The following AZIN2 variants were observed in gnomAD, a reference collection of about 807,000 sequenced individuals.
The protein encoded by AZIN2 is ODC antizyme inhibitor-2.
In AZIN2, 28 loss-of-function variants were observed where a neutral mutation model predicts 47.8. The ratio of observed to expected loss-of-function variants is 0.59; its 90% CI spans 0.43 to 0.80. AZIN2 has a LOEUF of 0.80. AZIN2 is among the 30% of genes least tolerant of loss of function. AZIN2 has a pLI of 0.00. For missense variants in AZIN2, 535 were observed against 582.5 expected (o/e 0.92, Z 0.84); for synonymous variants, 221 against 239.4 (o/e 0.92, Z 0.71).
chr1:33,092,154 G>C lies in AZIN2; in HGVS notation c.384G>C (p.Gly128=), dbSNP rs1476756350. The change falls in exon 6 of 12, where the codon GGG becomes GGC. Residue 128 remains glycine (G), a synonymous_variant. Transcript: ENST00000294517. ...AGATCAAATATGCTGCCAAGCATGGGATCCAGCTGCTGAGCTTTGACAATG... is the reference window on the plus strand; with the variant it reads ...AGATCAAATATGCTGCCAAGCATGGCATCCAGCTGCTGAGCTTTGACAATG... ...IAQIKYAAKH[G]IQLLSFDNEM... The C allele has an allele frequency of 2.5e-6, 4 of 1,614,112 alleles. No homozygotes were observed.
chr1:33,147,480 C>G, the AZIN2 span: 1 of 1,612,978 alleles, frequency 6.2e-7, no homozygotes, highest in Non-Finnish European at 8.5e-7. This position sits in a 1 kb window ranked among gnomAD's most constrained non-coding sequence, Gnocchi z 8.1. Context: ...GGATGCTGCC[C>G]TTGCGGCTTG....
chr1:33,125,581 A>G (rs1379925140), downstream of AZIN2, among the ~76,000 whole-genome samples: 1 of 152,094 alleles, frequency 6.6e-6, no homozygotes, highest in Non-Finnish European at 1.5e-5. Flanking sequence ...TTTTCCAAAC[A>G]TCCTGTTCAA....
chr1:33,165,422 C>T, the AZIN2 span: 1 of 1,512,814 alleles, frequency 6.6e-7, no homozygotes, highest in South Asian at 1.2e-5. This position sits in a 1 kb window ranked among gnomAD's most constrained non-coding sequence, Gnocchi z 4.0. Flanking sequence ...CCCTCGAAGC[C>T]CTGCCCTCAT....
the AZIN2 span, among the ~76,000 whole-genome samples, chr1:33,139,926 C>G: frequency 6.6e-6 from 1 of 152,192 alleles, no homozygotes; most frequent in East Asian, 1.9e-4. Flanking sequence ...TCTAAGATCC[C>G]ACCATCAGCT....
At chr1:33,155,930 C>G in the AZIN2 span, among the ~76,000 whole-genome samples, 2 of 152,326 alleles carry the variant, frequency 1.3e-5, no homozygotes, top group East Asian at 1.9e-4. Context: ...ATCCCTTGCT[C>G]CCATCTCCGC....
At chr1:33,153,925 G>T in the AZIN2 span, among the ~76,000 whole-genome samples, 1 of 152,234 alleles carries the variant, frequency 6.6e-6, no homozygotes, top group Non-Finnish European at 1.5e-5. Context: ...AGTCTAGTGA[G>T]TGAGACAGCC....
rs533414706 is a variant in AZIN2, at chr1:33,088,911, C to A, written c.280-3139C>A. 5.8e-4 allele frequency among the ~76,000 whole-genome samples: 88 copies of A among 152,302 alleles called. No homozygotes were observed. In the South Asian group the frequency reaches 0.016, roughly 28 times the overall value. Reference sequence around the variant, plus strand: ...TGTAATTCCATCATTATTCAGCGCTCATTTGGGACTGCCCTGCCTATCTTT... The same window carrying A: ...TGTAATTCCATCATTATTCAGCGCTAATTTGGGACTGCCCTGCCTATCTTT... On this transcript the variant is annotated intron_variant, in intron 5 of 11. Transcript: ENST00000294517.
chr1:33,115,804 C>T (rs1488848264), intron 10 of AZIN2, among the ~76,000 whole-genome samples: 5 of 152,288 alleles, frequency 3.3e-5, no homozygotes, highest in African/African-American at 1.2e-4. Context: ...AAAATTTACA[C>T]CACTAATAAC....
Position 33,113,979 on chromosome 1 carries a change from T to C in AZIN2, c.1030-3923T>C, listed in dbSNP as rs1426374112. On this transcript the variant is annotated intron_variant, in intron 10 of 11. Coordinates refer to ENST00000294517, the MANE Select transcript of AZIN2 (RefSeq NM_052998.4). This position sits in a 1 kb window ranked among gnomAD's most constrained non-coding sequence, Gnocchi z 4.1. The stretch of plus-strand genomic sequence containing the variant: ...TCTGCACCTTTCATTTTAGAGATAA[T>C]ATGACTGTGAATTTGGTTAGCTAAG... 6.6e-6 allele frequency among the ~76,000 whole-genome samples: 1 copy of C among 152,208 alleles called. No individual in the cohort carries two copies. The highest frequency in any genetic ancestry group is 1.9e-4 in the East Asian group (1 of 5,202).
the AZIN2 span, among the ~76,000 whole-genome samples, chr1:33,139,545 GA>G: frequency 6.6e-6 from 1 of 152,164 alleles, no homozygotes; most frequent in Non-Finnish European, 1.5e-5. Flanking sequence ...CAACAGTAAG[GA>G]AAAGGAGGGC....
chr1:33,135,371 C>T, the AZIN2 span, among the ~76,000 whole-genome samples: 1 of 152,204 alleles, frequency 6.6e-6, no homozygotes, highest in Non-Finnish European at 1.5e-5. Context: ...ATGTGCTTCC[C>T]CACAAGCAAG....
chr1:33,085,662 C>T (rs780141818), intron 5 of AZIN2, among the ~76,000 whole-genome samples: 15 of 151,832 alleles, frequency 9.9e-5, no homozygotes, highest in Admixed American at 2.6e-4. Context: ...TGCACTTGGC[C>T]GGGATGGTCA....
In AZIN2 at chr1:33,122,500, A is replaced by G. The variant is rs1282262422; in HGVS notation, c.*2318A>G. Among the ~76,000 whole-genome samples the G allele has an allele frequency of 6.6e-6, 1 of 152,188 alleles. No individual in the cohort carries two copies. The highest frequency in any genetic ancestry group is 1.5e-5 in the Non-Finnish European group (1 of 68,024). ...TTATTTGTTTTTGTTTCTTATTTCA[A>G]TCTTTTTCTAAAGAGAAGAAAAAAG... On this transcript the variant is annotated 3_prime_UTR_variant, in exon 12 of 12. Coordinates refer to ENST00000294517, the MANE Select transcript of AZIN2 (RefSeq NM_052998.4).
At chr1:33,125,007 A>G (rs1421223013), downstream of AZIN2, among the ~76,000 whole-genome samples, 1 of 152,222 alleles carries the variant, frequency 6.6e-6, no homozygotes, top group Admixed American at 6.5e-5. Flanking sequence ...TTATAGCAGC[A>G]TGATTTATAA....
the AZIN2 span, chr1:33,146,852 AGGGAGAC>A: frequency 2.6e-6 from 1 of 382,036 alleles, no homozygotes; most frequent in Admixed American, 4.1e-5. Flanking sequence ...GCTGGGCTGG[AGGGAGAC>A]ACTGGAAGGT....
chr1:33,094,638 G>A lies in AZIN2; in HGVS notation c.678G>A (p.Leu226=), dbSNP rs762998695. The change falls in exon 8 of 12, where the codon CTG becomes CTA. Residue 226 remains leucine, a synonymous_variant. Coordinates refer to ENST00000294517, the MANE Select transcript of AZIN2 (RefSeq NM_052998.4). The part of the protein sequence containing the change: ...ARLVFEMGTE[L]GHKMHVLDLG... ...TCGTGTTTGAAATGGGCACCGAGCT[G>A]GGTCACAAGATGCACGTTCTGGACC... The A allele has an allele frequency of 1.9e-6, 3 of 1,614,172 alleles. No homozygotes were observed. Among genetic ancestry groups the A allele is most frequent in the South Asian group, 1.1e-5 (1 of 91,086 alleles).
chr1:33,159,093 C>G, the AZIN2 span, among the ~76,000 whole-genome samples: 4,055 of 152,086 alleles, frequency 0.027, 86 homozygotes, highest in South Asian at 0.07. This position sits in a 1 kb window ranked among gnomAD's most constrained non-coding sequence, Gnocchi z 4.2. Flanking sequence ...AATCCACCTG[C>G]CTCGGCCTCC....
rs1641369244 is a variant in AZIN2 at position 33,082,371 on chromosome 1, G to T, written c.105+17G>T. 5 of 1,604,114 alleles carry T rather than the reference G, an allele frequency of 3.1e-6. No homozygotes were observed. The South Asian group carries it at 5.5e-5, about 18-fold the overall frequency. ...GCCACCACGGTGAGGGGCTGGGAATGGGGGTGGGTCCCCGGTCCCCTGTAC... is the reference window on the plus strand; with the variant it reads ...GCCACCACGGTGAGGGGCTGGGAATTGGGGTGGGTCCCCGGTCCCCTGTAC... On this transcript the variant is annotated intron_variant, in intron 4 of 11. Transcript: ENST00000294517.
chr1:33,154,115 A>G, the AZIN2 span, among the ~76,000 whole-genome samples: 1 of 152,266 alleles, frequency 6.6e-6, no homozygotes, highest in African/African-American at 2.4e-5. Context: ...GCAAACGTGT[A>G]GATGAGGGAG....
Sources: allele counts gnomAD v4.1 joint callset (sites outside exome capture counted in the v4.1 genomes callset), GRCh38; gene constraint gnomAD v4.1.1; non-coding constraint Gnocchi (gnomAD v3.1); transcripts MANE v1.5; gene names NCBI Gene and HGNC (gene_info 2026-07-23, HGNC 2026-07-21).